Variants in WDPCP observed in about 807,000 individuals in gnomAD.
The protein encoded by WDPCP is WD repeat-containing and planar cell polarity effector protein fritz homolog.
Under a neutral mutation model 93.1 loss-of-function variants are expected in WDPCP, and 71 were observed. The observed-to-expected ratio is 0.76, with a 90% CI of 0.63 to 0.93. The LOEUF is 0.93. Among genes scored for constraint, WDPCP ranks in the 40% least tolerant of loss-of-function variants. The pLI is 0.00. For missense variants in WDPCP, 844 were observed against 887.4 expected, an observed-to-expected ratio of 0.95 and a Z score of 0.62; for synonymous variants, 315 against 315.0, an observed-to-expected ratio of 1.00 and a Z score of 0.00.
At chr2:63,803,374 T>G (rs773207895) in intron 2 of WDPCP, among the ~76,000 whole-genome samples, 30 of 152,204 alleles carry the variant, frequency 2.0e-4, no homozygotes, top group Non-Finnish European at 4.1e-4. Flanking sequence ...TGGTATGGTA[T>G]TTCTTTTTGG....
chr2:63,266,557 C>G (rs539742711), intron 13 of WDPCP, among the ~76,000 whole-genome samples: 11 of 152,294 alleles, frequency 7.2e-5, no homozygotes, highest in African/African-American at 2.6e-4. Flanking sequence ...CCTGTAATCC[C>G]AGCACTTTGG....
chr2:63,308,423 A>G (rs988120416), intron 13 of WDPCP, among the ~76,000 whole-genome samples: 5 of 152,212 alleles, frequency 3.3e-5, no homozygotes, highest in African/African-American at 9.6e-5. Context: ...AAATCATTCT[A>G]CTATAAAGAC....
At chr2:63,425,969 C>A (rs2421892) in intron 9 of WDPCP, among the ~76,000 whole-genome samples, 1 of 151,902 alleles carries the variant, frequency 6.6e-6, no homozygotes, top group African/African-American at 2.4e-5. Context: ...CTTAATGGGG[C>A]CTAGACAGAA....
At chr2:63,447,992 A>G (rs2105604704) in intron 6 of WDPCP, among the ~76,000 whole-genome samples, 1 of 152,254 alleles carries the variant, frequency 6.6e-6, no homozygotes, top group South Asian at 2.1e-4. Flanking sequence ...ACCAGAAATC[A>G]TTTTATTATT....
chr2:63,522,455 G>GACACACACACACACACACACACAC (rs112008719), intron 1 of WDPCP, among the ~76,000 whole-genome samples: 1 of 127,216 alleles, frequency 7.9e-6, no homozygotes, highest in African/African-American at 3.0e-5. Context: ...CAGACAGACA[G>GACACACACACACACACACACACAC]ACACACACAC....
chr2:63,552,536 C>A (rs1235187393), intron 1 of WDPCP, among the ~76,000 whole-genome samples: 1 of 151,714 alleles, frequency 6.6e-6, no homozygotes, highest in Non-Finnish European at 1.5e-5. Context: ...TTTTTTATTT[C>A]AACTTTTAAA....
chr2:63,194,675 T>A (rs1367023337), intron 14 of WDPCP, among the ~76,000 whole-genome samples: 1 of 152,176 alleles, frequency 6.6e-6, no homozygotes, highest in Non-Finnish European at 1.5e-5. Flanking sequence ...GGTATTGAGA[T>A]TAAAGTATTT....
chr2:63,565,014 T>G (rs554533696), intron 1 of WDPCP, among the ~76,000 whole-genome samples: 12 of 152,298 alleles, frequency 7.9e-5, no homozygotes, highest in African/African-American at 2.9e-4. Context: ...CCTGACCTCA[T>G]GATCTGCCGC....
chr2:63,235,081 G>T lies in WDPCP; in HGVS notation c.1915+24226C>A, dbSNP rs1188972460. 2.0e-5 allele frequency among the ~76,000 whole-genome samples: 3 copies of T among 152,114 alleles called. No individual in the cohort carries two copies. The East Asian group carries it at 5.8e-4, about 29-fold the overall frequency. On this transcript the variant is annotated intron_variant, in intron 14 of 17. Transcript: ENST00000272321. ...GTTGGTTCTTTGAAAGGCTAAGCAG[G>T]ATTAATAGGCCACTAGCTACATTAA...
chr2:63,800,636 A>AT (rs1011651508), intron 2 of WDPCP, among the ~76,000 whole-genome samples: 3 of 152,222 alleles, frequency 2.0e-5, no homozygotes, highest in Non-Finnish European at 2.9e-5. Context: ...CTAATTTGGC[A>AT]TTTTTTAAAG....
intron 1 of WDPCP, among the ~76,000 whole-genome samples, chr2:63,500,725 GATA>G (rs1373749059): frequency 1.3e-5 from 2 of 152,114 alleles, no homozygotes; most frequent in Non-Finnish European, 2.9e-5. Context: ...CAAAAACAGG[GATA>G]ATGATATTGA....
chr2:63,398,336 T>C (rs1382330839), intron 10 of WDPCP, among the ~76,000 whole-genome samples: 1 of 152,196 alleles, frequency 6.6e-6, no homozygotes, highest in Non-Finnish European at 1.5e-5. Flanking sequence ...TCTCAGTCTA[T>C]ATATGAAGAA....
chr2:63,685,598 G>A (rs141608312), intron 2 of WDPCP, among the ~76,000 whole-genome samples: 149 of 152,186 alleles, frequency 9.8e-4, no homozygotes, highest in African/African-American at 3.5e-3. Context: ...TTCCAAATGC[G>A]TTCTGTGACG....
At chr2:63,150,149 T>C (rs375266691) in intron 17 of WDPCP, among the ~76,000 whole-genome samples, 9 of 152,088 alleles carry the variant, frequency 5.9e-5, no homozygotes, top group East Asian at 3.9e-4. Context: ...ACTTCAAAGG[T>C]ACCGGTAATG....
intron 6 of WDPCP, among the ~76,000 whole-genome samples, chr2:63,470,829 A>G (rs1699646262): frequency 6.6e-6 from 1 of 151,604 alleles, no homozygotes; most frequent in African/African-American, 2.4e-5. Flanking sequence ...ATTTCACCCC[A>G]CTCATATCAA....
At chr2:63,226,516 C>T (rs545949151) in intron 14 of WDPCP, among the ~76,000 whole-genome samples, 5 of 151,782 alleles carry the variant, frequency 3.3e-5, no homozygotes, top group African/African-American at 9.7e-5. Flanking sequence ...TACCTTACAT[C>T]GAATAAACAG....
chr2:63,780,001 T>A (rs1670364109), intron 2 of WDPCP, among the ~76,000 whole-genome samples: 1 of 152,222 alleles, frequency 6.6e-6, no homozygotes, highest in Admixed American at 6.5e-5. Flanking sequence ...TAGTTAGGGT[T>A]CTTGGTATGC....
chr2:63,598,946 TG>T (rs1444662142), intron 3 of WDPCP, among the ~76,000 whole-genome samples: 1 of 152,046 alleles, frequency 6.6e-6, no homozygotes, highest in African/African-American at 2.4e-5. Context: ...GTAATATGGT[TG>T]TAACTTTTCT....
intron 6 of WDPCP, among the ~76,000 whole-genome samples, chr2:63,449,252 C>G (rs1390193988): frequency 6.6e-6 from 1 of 152,136 alleles, no homozygotes; most frequent in African/African-American, 2.4e-5. Flanking sequence ...AACTTTCAGT[C>G]AAGTCAGTGA....
Sources: gnomAD v4.1 joint callset for allele counts (sites outside exome capture counted in the v4.1 genomes callset) on GRCh38, gnomAD v4.1.1 for gene constraint, MANE v1.5 for transcripts, NCBI Gene and HGNC (gene_info 2026-07-23, HGNC 2026-07-21) for gene names.